The following SLC8A1 variants were observed in gnomAD, a reference collection of about 807,000 sequenced individuals.
SLC8A1 encodes the protein sodium/calcium exchanger 1.
In SLC8A1, 18 loss-of-function variants were observed where a neutral mutation model predicts 68.3. That is an observed-to-expected ratio of 0.26 (90% CI 0.18 to 0.39). The LOEUF is 0.39. Ranked by LOEUF, SLC8A1 falls within the 10% of genes least tolerant of loss-of-function variation. The probability of loss-of-function intolerance (pLI) is 1.00; values close to 1 mark genes in which losing one functional copy is unlikely to be tolerated. For missense variants in SLC8A1, 985 were observed against 1,156.7 expected, an observed-to-expected ratio of 0.85 and a Z score of 2.15; for synonymous variants, 475 against 415.5, an observed-to-expected ratio of 1.14 and a Z score of -1.74.
intron 2 of SLC8A1, among the ~76,000 whole-genome samples, chr2:40,252,606 T>G (rs1409456650): frequency 6.6e-6 from 1 of 152,108 alleles, no homozygotes; most frequent in Non-Finnish European, 1.5e-5. Context: ...AGTGCTGGGA[T>G]GACAGGTGCA....
intron 2 of SLC8A1, among the ~76,000 whole-genome samples, chr2:40,414,295 G>T (rs1247627571): frequency 1.3e-5 from 2 of 152,166 alleles, no homozygotes; most frequent in East Asian, 1.9e-4. Context: ...AGACCGTGGG[G>T]AAGCAAACAT....
At chr2:40,207,543 G>A (rs2055695741) in intron 2 of SLC8A1, among the ~76,000 whole-genome samples, 1 of 151,680 alleles carries the variant, frequency 6.6e-6, no homozygotes, top group African/African-American at 2.4e-5. Flanking sequence ...TTTAACCTTG[G>A]GTTTTCAATA....
intron 2 of SLC8A1, among the ~76,000 whole-genome samples, chr2:40,421,181 AACC>A (rs1205497032): frequency 6.6e-6 from 1 of 151,930 alleles, no homozygotes; most frequent in African/African-American, 2.4e-5. Context: ...ACATATCTAG[AACC>A]ACCACCATTC....
In SLC8A1 at chr2:40,115,990, T is replaced by TG. The variant is rs1424774015; in HGVS notation, c.2438-362dup. Among the ~76,000 whole-genome samples the TG allele has an allele frequency of 5.9e-5, 9 of 152,330 alleles. No homozygotes were observed. The East Asian group carries it at 1.5e-3, about 26-fold the overall frequency. ...TGGGGTCCTTTCAAAGAGTGAGTATTGCAAGGTGCCATGCGGCTGTGCTGG... is the reference window on the plus strand; with the variant it reads ...TGGGGTCCTTTCAAAGAGTGAGTATTGGCAAGGTGCCATGCGGCTGTGCTGG... On this transcript the variant is annotated intron_variant, in intron 7 of 7. Coordinates refer to ENST00000406785, the Ensembl canonical transcript of SLC8A1.
At chr2:40,484,042 T>G (rs1022368534) in intron 1 of SLC8A1, among the ~76,000 whole-genome samples, 2 of 152,188 alleles carry the variant, frequency 1.3e-5, no homozygotes, top group Non-Finnish European at 2.9e-5. Context: ...CATCATTCTG[T>G]TAAAAAGGTT....
chr2:40,144,315 A>G lies in SLC8A1; in HGVS notation c.2162-4639T>C, dbSNP rs796210200. On this transcript the variant is annotated intron_variant, in intron 6 of 7. Coordinates refer to ENST00000406785, the Ensembl canonical transcript of SLC8A1. ...CTGATCTTATTTCATCCTTAAAATAACACTGCAAAGTGGGCATTATTAATC... is the reference window on the plus strand; with the variant it reads ...CTGATCTTATTTCATCCTTAAAATAGCACTGCAAAGTGGGCATTATTAATC... 7.2e-5 allele frequency among the ~76,000 whole-genome samples: 11 copies of G among 152,336 alleles called. No homozygotes were observed. In the South Asian group the frequency reaches 1.7e-3, roughly 23 times the overall value.
chr2:40,115,357 G>A (rs752969775), exon 8 of SLC8A1: 11 of 1,614,052 alleles, frequency 6.8e-6, no homozygotes, highest in Admixed American at 3.3e-5. Context: ...GCAGTCCGGG[G>A]CCCACCCAGC....
intron 6 of SLC8A1, among the ~76,000 whole-genome samples, chr2:40,141,650 A>C (rs2041591777): frequency 6.6e-6 from 1 of 152,198 alleles, no homozygotes; most frequent in Non-Finnish European, 1.5e-5. Flanking sequence ...TGGAAGCAGA[A>C]GATACTTTTT....
intron 2 of SLC8A1, among the ~76,000 whole-genome samples, chr2:40,301,710 A>G (rs552160811): frequency 1.4e-4 from 22 of 152,282 alleles, no homozygotes; most frequent in African/African-American, 5.1e-4. Context: ...TGAGGTCCAG[A>G]TATGGAAAGT....
chr2:40,504,371 A>G (rs1559777491), intron 1 of SLC8A1, among the ~76,000 whole-genome samples: 1 of 152,154 alleles, frequency 6.6e-6, no homozygotes, highest in East Asian at 1.9e-4. Context: ...GAAAACCTTG[A>G]AGAACATCTC....
chr2:40,430,581 C>T (rs1698054505), intron 1 of SLC8A1, among the ~76,000 whole-genome samples: 1 of 152,166 alleles, frequency 6.6e-6, no homozygotes, highest in Admixed American at 6.5e-5. Flanking sequence ...GAGCAAGATA[C>T]ACAATTGACT....
chr2:40,203,707 G>A (rs951925006), intron 2 of SLC8A1, among the ~76,000 whole-genome samples: 1 of 151,896 alleles, frequency 6.6e-6, no homozygotes, highest in Non-Finnish European at 1.5e-5. Context: ...CTAATATGGT[G>A]AGGGTTATTT....
chr2:40,152,921 A>G (rs1254731122), intron 6 of SLC8A1, among the ~76,000 whole-genome samples: 1 of 132,812 alleles, frequency 7.5e-6, no homozygotes, highest in Non-Finnish European at 1.8e-5. Context: ...ATGACATGCC[A>G]CTATGATGTG....
At chr2:40,253,546 C>T (rs2063344540) in intron 2 of SLC8A1, among the ~76,000 whole-genome samples, 2 of 151,954 alleles carry the variant, frequency 1.3e-5, no homozygotes, top group African/African-American at 4.8e-5. Flanking sequence ...GGCTAAAGGG[C>T]CTGGCGCGGT....
intron 2 of SLC8A1, among the ~76,000 whole-genome samples, chr2:40,253,765 T>C (rs1286853626): frequency 6.9e-6 from 1 of 144,212 alleles, no homozygotes; most frequent in African/African-American, 2.6e-5. Flanking sequence ...AGGTGGAGGT[T>C]GCAGTGAGCC....
At chr2:40,276,913 G>A (rs993153999) in intron 2 of SLC8A1, among the ~76,000 whole-genome samples, 1 of 152,190 alleles carries the variant, frequency 6.6e-6, no homozygotes, top group Non-Finnish European at 1.5e-5. Context: ...TTCACCTTTT[G>A]TGATGGTTCA....
At chr2:40,472,814 G>C (rs1156866720) in intron 1 of SLC8A1, among the ~76,000 whole-genome samples, 2 of 152,160 alleles carry the variant, frequency 1.3e-5, no homozygotes, top group Admixed American at 1.3e-4. Flanking sequence ...ATTTGTGAGA[G>C]ATAATTCATG....
At chr2:40,196,436 A>G (rs2053037229) in intron 2 of SLC8A1, among the ~76,000 whole-genome samples, 1 of 152,018 alleles carries the variant, frequency 6.6e-6, no homozygotes, top group Admixed American at 6.6e-5. Flanking sequence ...TTATGGAAGG[A>G]ACATAATATT....
chr2:40,392,177 GAAGAAAGAAAAGAAAA>G (rs1445761034), intron 2 of SLC8A1, among the ~76,000 whole-genome samples: 9 of 142,090 alleles, frequency 6.3e-5, no homozygotes, highest in Middle Eastern at 3.5e-3. Context: ...AGGAAGAGAG[GAAGAAAGAAAAGAAAA>G]AAGAAAGAAA....
Sources: gnomAD v4.1 joint callset for allele counts (sites outside exome capture counted in the v4.1 genomes callset) on GRCh38, gnomAD v4.1.1 for gene constraint, MANE v1.5 for transcripts, NCBI Gene and HGNC (gene_info 2026-07-23, HGNC 2026-07-21) for gene names.